BLOC1S3: variants seen among roughly 807,000 people sequenced by gnomAD.
BLOC1S3 encodes the protein biogenesis of lysosome-related organelles complex 1 subunit 3.
BLOC1S3 carries 7 observed loss-of-function variants against 9.1 expected under a neutral mutation model. The observed-to-expected ratio is 0.77, with a 90% CI of 0.44 to 1.45. The LOEUF (loss-of-function observed/expected upper bound fraction) is 1.45, where lower values mean the gene tolerates loss of function less well. Ranked by LOEUF, BLOC1S3 falls within the 40% of genes most tolerant of loss-of-function variation. BLOC1S3 has a pLI of 0.01. For missense variants in BLOC1S3, 307 were observed against 315.2 expected (o/e 0.97, Z 0.20); for synonymous variants, 145 against 158.4 (o/e 0.92, Z 0.64).
chr19:45,184,434 C>T (rs572509856), downstream of BLOC1S3, among the ~76,000 whole-genome samples: 27 of 152,108 alleles, frequency 1.8e-4, no homozygotes, highest in African/African-American at 6.5e-4. Context: ...AGCGAGACCC[C>T]ATCTCTACAA....
downstream of BLOC1S3, among the ~76,000 whole-genome samples, chr19:45,183,465 G>A (rs1969541871): frequency 6.7e-6 from 1 of 148,392 alleles, no homozygotes; most frequent in East Asian, 2.0e-4. Flanking sequence ...GACAGAGCAA[G>A]ACTCTGTCTC....
In BLOC1S3 at chr19:45,179,920, C is replaced by T. The variant is rs1384993823; in HGVS notation, c.*15C>T. On this transcript the variant is annotated 3_prime_UTR_variant, in exon 2 of 2. Transcript: ENST00000433642. This position sits in a 1 kb window ranked among gnomAD's most constrained non-coding sequence, Gnocchi z 4.6. ...CGCGGGCCTAGCCATGATTCTACTT[C>T]CCAACCTGACTGCAATTTGGGGGTA... 5 of 1,604,254 alleles carry T rather than the reference C, an allele frequency of 3.1e-6. No homozygotes were observed. Among genetic ancestry groups the T allele is most frequent in the Non-Finnish European group, 3.4e-6 (4 of 1,175,642 alleles).
chr19:45,179,618 C>G lies in BLOC1S3; in HGVS notation c.322C>G (p.Leu108Val), dbSNP rs75792246. 0.041 allele frequency: 60,022 copies of G among 1,475,054 alleles called. 1,432 individuals are homozygous for G. Among genetic ancestry groups the G allele is most frequent in the Non-Finnish European group, 0.048 (53,304 of 1,119,888 alleles). 91.4% of individuals were successfully genotyped at this position (1,475,054 alleles called of 1,614,324 possible). A position where few individuals can be genotyped will look rare whatever the true frequency, so the allele number is the denominator to read the frequency against. Reference sequence around the variant, plus strand: ...CCCGGCGCCCGCCCCCGCGCGCTCGCTCCTGCAACTTCGGCTGGCGGAGAG... The same window carrying G: ...CCCGGCGCCCGCCCCCGCGCGCTCGGTCCTGCAACTTCGGCTGGCGGAGAG... Reference protein sequence around the residue: ...EAPAPAPARSLLQLRLAESQA... With the variant: ...EAPAPAPARSVLQLRLAESQA... The change falls in exon 2 of 2, where the codon CTC becomes GTC. Residue 108 changes from leucine (L) to valine (V), a missense_variant. Transcript: ENST00000433642. The surrounding 1 kb of genome is among the most constrained non-coding windows in gnomAD (Gnocchi z 4.6).
At chr19:45,187,290 C>T (rs1221007169), upstream of BLOC1S3, 1 of 152,410 alleles carries the variant, frequency 6.6e-6, no homozygotes, top group African/African-American at 2.4e-5. Flanking sequence ...TTGGGGGCGA[C>T]CTCGGTTAAG....
intron 3 of BLOC1S3, among the ~76,000 whole-genome samples, chr19:45,214,127 C>T (rs768630839): frequency 6.6e-6 from 1 of 152,122 alleles, no homozygotes; most frequent in East Asian, 1.9e-4. Flanking sequence ...AGAAACTCCA[C>T]ATCAGCAAGA....
At chr19:45,215,153 AAAAC>A (rs1318716890) in intron 3 of BLOC1S3, among the ~76,000 whole-genome samples, 3 of 152,044 alleles carry the variant, frequency 2.0e-5, no homozygotes, top group Non-Finnish European at 4.4e-5. Context: ...AAAACAAAAC[AAAAC>A]AAACAACAAC....
chr19:45,200,205 G>A (rs1457170404), intron 2 of BLOC1S3, among the ~76,000 whole-genome samples: 17 of 137,246 alleles, frequency 1.2e-4, no homozygotes, highest in African/African-American at 4.5e-4. Context: ...TTTTTGAGAC[G>A]GAGTCTCGCT....
intron 2 of BLOC1S3, among the ~76,000 whole-genome samples, chr19:45,201,948 G>T (rs1969693845): frequency 6.6e-6 from 1 of 151,926 alleles, no homozygotes; most frequent in African/African-American, 2.4e-5. Flanking sequence ...TTTTGGCCAG[G>T]CATGGCAGCT....
At position 45,179,764 on chromosome 19, in the gene BLOC1S3, G is replaced by A. The variant is rs907447666; in HGVS notation, c.468G>A (p.Ala156=). Residue 156 remains alanine, a synonymous_variant, in exon 2 of 2, where the codon GCG becomes GCA. Coordinates refer to ENST00000433642, the MANE Select transcript of BLOC1S3 (RefSeq NM_212550.5). This position sits in a 1 kb window ranked among gnomAD's most constrained non-coding sequence, Gnocchi z 4.6. ...CAGCCCAGGCGGCGGGGCTGGCGGC[G>A]GCCCACAGCGTGCGCCTGGCGCGCG... The part of the protein sequence containing the change: ...LAAAQAAGLA[A]AHSVRLARGD... The A allele has an allele frequency of 2.0e-6, 3 of 1,503,102 alleles. No individual in the cohort carries two copies. Among genetic ancestry groups the A allele is most frequent in the Non-Finnish European group, 2.6e-6 (3 of 1,133,946 alleles). 93.1% of individuals were successfully genotyped at this position (1,503,102 alleles called of 1,614,324 possible).
At chr19:45,186,148 G>C (rs1463152054), downstream of BLOC1S3, among the ~76,000 whole-genome samples, 1 of 152,016 alleles carries the variant, frequency 6.6e-6, no homozygotes, top group Non-Finnish European at 1.5e-5. Context: ...CTACTGAGTG[G>C]AGGGTGCATG....
At chr19:45,190,984 T>G (rs1050154371) in intron 2 of BLOC1S3, among the ~76,000 whole-genome samples, 2 of 150,476 alleles carry the variant, frequency 1.3e-5, no homozygotes, top group African/African-American at 4.9e-5. Context: ...TTTTTGTTTT[T>G]TTAGTAGAGA....
In BLOC1S3 at chr19:45,181,485, C is replaced by T. The variant is rs1599747711; in HGVS notation, c.*1580C>T. The T allele has an allele frequency of 6.0e-6, 1 of 167,116 alleles. No individual in the cohort carries two copies. The highest frequency in any genetic ancestry group is 1.5e-5 in the Non-Finnish European group (1 of 68,150). 10.4% of individuals were successfully genotyped at this position (167,116 alleles called of 1,614,324 possible). A position where few individuals can be genotyped will look rare whatever the true frequency, so the allele number is the denominator to read the frequency against. On this transcript the variant is annotated 3_prime_UTR_variant, in exon 2 of 2. Coordinates refer to ENST00000433642, the MANE Select transcript of BLOC1S3 (RefSeq NM_212550.5). ...TTCAGCCCAGTCCTGGTGCTTTCAG[C>T]GCCAGATGACAGCACTTTGCAGATA...
At chr19:45,189,595 GC>G (rs1268555143) in intron 2 of BLOC1S3, among the ~76,000 whole-genome samples, 1 of 141,554 alleles carries the variant, frequency 7.1e-6, no homozygotes, top group African/African-American at 2.7e-5. Context: ...ACCAAGCCTG[GC>G]TTTTTTTTTT....
At chr19:45,210,042 T>A (rs1308194453) in intron 3 of BLOC1S3, among the ~76,000 whole-genome samples, 1 of 142,464 alleles carries the variant, frequency 7.0e-6, no homozygotes, top group Non-Finnish European at 1.5e-5. Context: ...CAGAACTCTG[T>A]CTCAAAAACA....
chr19:45,206,808 G>C (rs189016065), intron 3 of BLOC1S3, among the ~76,000 whole-genome samples: 1 of 151,370 alleles, frequency 6.6e-6, no homozygotes, highest in African/African-American at 2.4e-5. Flanking sequence ...CTCTTTTGTA[G>C]GCTTATTAGC....
intron 3 of BLOC1S3, among the ~76,000 whole-genome samples, chr19:45,202,801 C>T (rs1222463001): frequency 1.3e-5 from 2 of 152,092 alleles, no homozygotes; most frequent in Admixed American, 6.6e-5. Flanking sequence ...AGGCCTGCGG[C>T]GAGCACTCTC....
downstream of BLOC1S3, among the ~76,000 whole-genome samples, chr19:45,182,354 G>A (rs957525627): frequency 2.6e-5 from 4 of 151,994 alleles, no homozygotes; most frequent in Admixed American, 1.3e-4. Flanking sequence ...CAGCCCGAGC[G>A]ACAGAGCAGG....
chr19:45,216,005 C>G, intron 3 of BLOC1S3: 1 of 1,592,212 alleles, frequency 6.3e-7, no homozygotes, highest in Admixed American at 1.7e-5. Flanking sequence ...AGCACAGGGA[C>G]GGATGCCAAG....
intron 2 of BLOC1S3, among the ~76,000 whole-genome samples, chr19:45,197,425 T>C (rs1969656966): frequency 6.6e-6 from 1 of 151,286 alleles, no homozygotes; most frequent in Non-Finnish European, 1.5e-5. Flanking sequence ...AGGTGGAGTT[T>C]GCAGTAAGCT....
Sources: gnomAD v4.1 joint callset for allele counts (sites outside exome capture counted in the v4.1 genomes callset) on GRCh38, gnomAD v4.1.1 for gene constraint, Gnocchi (gnomAD v3.1) non-coding constraint, MANE v1.5 for transcripts, NCBI Gene and HGNC (gene_info 2026-07-23, HGNC 2026-07-21) for gene names.